The following CA10 variants were observed in gnomAD, a reference collection of about 807,000 sequenced individuals.
The protein encoded by CA10 is carbonic anhydrase 10 (inactive).
A neutral mutation model predicts 44.2 loss-of-function variants in CA10; 14 were observed. The observed-to-expected ratio is 0.32, with a 90% CI of 0.21 to 0.50. The LOEUF (loss-of-function observed/expected upper bound fraction) is 0.50. CA10 is among the 20% of genes least tolerant of loss of function. The pLI is 0.99. For missense variants in CA10, 350 were observed against 409.7 expected (o/e 0.85, Z 1.26); for synonymous variants, 159 against 141.6 (o/e 1.12, Z -0.87).
chr17:52,049,959 G>A (rs1223926571), intron 2 of CA10, among the ~76,000 whole-genome samples: 1 of 152,090 alleles, frequency 6.6e-6, no homozygotes, highest in Non-Finnish European at 1.5e-5. Context: ...ATTCAGGACA[G>A]CGATATATTG....
chr17:51,851,728 T>C (rs764972122), intron 3 of CA10, among the ~76,000 whole-genome samples: 1 of 152,170 alleles, frequency 6.6e-6, no homozygotes, highest in Non-Finnish European at 1.5e-5. Flanking sequence ...CCTTGATAAA[T>C]ATTTGTTGAA....
intron 2 of CA10, among the ~76,000 whole-genome samples, chr17:52,043,066 T>G (rs1468427412): frequency 6.6e-6 from 1 of 152,080 alleles, no homozygotes; most frequent in Non-Finnish European, 1.5e-5. Flanking sequence ...AATTTTGCAT[T>G]GGATATTCAG....
intron 4 of CA10, among the ~76,000 whole-genome samples, chr17:51,681,416 C>G (rs1333086004): frequency 6.6e-6 from 1 of 152,174 alleles, no homozygotes; most frequent in East Asian, 1.9e-4. Flanking sequence ...TTTAGCCATG[C>G]ATAGCATTGG....
intron 3 of CA10, among the ~76,000 whole-genome samples, chr17:51,770,246 AG>A (rs1905551033): frequency 6.6e-6 from 1 of 151,914 alleles, no homozygotes; most frequent in South Asian, 2.1e-4. Flanking sequence ...AGAAATAAAA[AG>A]CTTTCCAGGC....
At chr17:51,656,728 G>C (rs549525568) in intron 4 of CA10, among the ~76,000 whole-genome samples, 1 of 152,120 alleles carries the variant, frequency 6.6e-6, no homozygotes, top group Non-Finnish European at 1.5e-5. Context: ...ATGCAGAATC[G>C]GGAGCCCCAT....
At chr17:52,024,941 C>CAT (rs1375927510) in intron 2 of CA10, among the ~76,000 whole-genome samples, 1 of 151,534 alleles carries the variant, frequency 6.6e-6, no homozygotes, top group Non-Finnish European at 1.5e-5. Context: ...AAGAGGATAT[C>CAT]ATATATATAG....
chr17:51,984,282 T>G (rs1984752174), intron 2 of CA10, among the ~76,000 whole-genome samples: 1 of 151,744 alleles, frequency 6.6e-6, no homozygotes, highest in Non-Finnish European at 1.5e-5. Flanking sequence ...GAAAGCAAGA[T>G]GGAAATGAAA....
intron 2 of CA10, among the ~76,000 whole-genome samples, chr17:52,022,647 A>C (rs1471852027): frequency 2.0e-5 from 3 of 151,582 alleles, no homozygotes; most frequent in Non-Finnish European, 4.4e-5. Context: ...AATGCATCCA[A>C]ATAGGAAAAA....
chr17:52,085,425 T>C (rs886523789), intron 1 of CA10, among the ~76,000 whole-genome samples: 1 of 152,148 alleles, frequency 6.6e-6, no homozygotes, highest in Non-Finnish European at 1.5e-5. Context: ...ATGCACAGAG[T>C]CTTCCTATGA....
rs147186924 is a variant in CA10 at position 51,765,480 on chromosome 17, G to A, written c.280-17662C>T. 2.3e-3 allele frequency among the ~76,000 whole-genome samples: 344 copies of A among 152,304 alleles called. 3 individuals carry two copies. Among genetic ancestry groups the A allele is most frequent in the Middle Eastern group, 6.8e-3 (2 of 294 alleles). ...CTTCCCAAGATAATTATGGGCCAGA[G>A]AATTAGAGGCGTGGAGCTGTACTTA... On this transcript the variant is annotated intron_variant, in intron 3 of 8. Coordinates refer to ENST00000451037, the MANE Select transcript of CA10 (RefSeq NM_020178.5).
chr17:51,938,602 G>T (rs1982955006), intron 2 of CA10, among the ~76,000 whole-genome samples: 1 of 152,146 alleles, frequency 6.6e-6, no homozygotes, highest in Non-Finnish European at 1.5e-5. Context: ...TCATTTTAAT[G>T]TAGCTTTTGG....
chr17:51,951,235 C>T (rs1270961829), intron 2 of CA10, among the ~76,000 whole-genome samples: 1 of 152,114 alleles, frequency 6.6e-6, no homozygotes, highest in Non-Finnish European at 1.5e-5. Flanking sequence ...TGAGAAGGAC[C>T]TTATTAGTTC....
intron 3 of CA10, among the ~76,000 whole-genome samples, chr17:51,779,512 A>G (rs924530046): frequency 6.6e-6 from 1 of 152,178 alleles, no homozygotes; most frequent in African/African-American, 2.4e-5. Context: ...AAGGTGCTGC[A>G]GCAGGTCTTG....
intron 3 of CA10, among the ~76,000 whole-genome samples, chr17:51,758,694 C>T (rs1213965033): frequency 6.6e-6 from 1 of 152,198 alleles, no homozygotes; most frequent in African/African-American, 2.4e-5. Context: ...TACTGAACCA[C>T]CACTGCCAAC....
At chr17:51,653,829 A>G (rs1913673687) in intron 4 of CA10, 93 bp from the exon 5 acceptor site, 1 of 726,666 alleles carries the variant, frequency 1.4e-6, no homozygotes, top group Non-Finnish European at 2.5e-6. Flanking sequence ...TGAACTGCAA[A>G]GTATATTGAG....
intron 2 of CA10, among the ~76,000 whole-genome samples, chr17:52,067,156 C>G (rs1356025718): frequency 1.3e-5 from 2 of 152,246 alleles, no homozygotes; most frequent in Non-Finnish European, 2.9e-5. Context: ...TACAGCAGCC[C>G]TCCCATCACA....
At chr17:52,151,384 CAT>C (rs1989700159) in intron 1 of CA10, among the ~76,000 whole-genome samples, 1 of 152,090 alleles carries the variant, frequency 6.6e-6, no homozygotes, top group Admixed American at 6.6e-5. Flanking sequence ...TTTGAAATCT[CAT>C]GTGTTCTTCT....
chr17:51,709,127 C>G (rs1915853314), intron 4 of CA10, among the ~76,000 whole-genome samples: 2 of 149,012 alleles, frequency 1.3e-5, no homozygotes, highest in African/African-American at 5.2e-5. Flanking sequence ...ATTCATTCAT[C>G]TATTCATTCA....
At chr17:52,154,083 G>C (rs1989756323) in intron 1 of CA10, among the ~76,000 whole-genome samples, 1 of 152,126 alleles carries the variant, frequency 6.6e-6, no homozygotes, top group African/African-American at 2.4e-5. Flanking sequence ...CTTAATTCTA[G>C]CTCTAAATTG....
Sources: gnomAD v4.1 joint callset for allele counts (sites outside exome capture counted in the v4.1 genomes callset) on GRCh38, gnomAD v4.1.1 for gene constraint, MANE v1.5 for transcripts, NCBI Gene and HGNC (gene_info 2026-07-23, HGNC 2026-07-21) for gene names.